The following CHD9 variants were observed in gnomAD, a reference collection of about 807,000 sequenced individuals.
CHD9 encodes chromodomain helicase DNA binding protein 9.
Under a neutral mutation model 316.1 loss-of-function variants are expected in CHD9, and 77 were observed. The observed-to-expected ratio is 0.24, with a 90% CI of 0.20 to 0.29. The LOEUF is 0.29. Among genes scored for constraint, CHD9 ranks in the 10% least tolerant of loss-of-function variants. The pLI is 1.00. For missense variants in CHD9, 2,763 were observed against 3,438.1 expected, an observed-to-expected ratio of 0.80 and a Z score of 4.91; for synonymous variants, 1,129 against 1,158.3, an observed-to-expected ratio of 0.97 and a Z score of 0.51.
intron 1 of CHD9, among the ~76,000 whole-genome samples, chr16:53,098,432 C>T (rs933763860): frequency 5.4e-5 from 8 of 147,838 alleles, no homozygotes; most frequent in African/African-American, 2.0e-4. Context: ...GCTGATATGG[C>T]TCTGCCCCAC....
At chr16:53,182,202 T>G (rs1221429424) in intron 2 of CHD9, among the ~76,000 whole-genome samples, 1 of 152,170 alleles carries the variant, frequency 6.6e-6, no homozygotes, top group African/African-American at 2.4e-5. Flanking sequence ...TTTATTTTTA[T>G]TTTTATTTTT....
intron 24 of CHD9, among the ~76,000 whole-genome samples, chr16:53,276,549 C>T (rs899809291): frequency 6.6e-6 from 1 of 152,280 alleles, no homozygotes; most frequent in East Asian, 1.9e-4. Flanking sequence ...TTCAGTTTTA[C>T]TTGCATATAT....
At chr16:53,125,456 G>A (rs1013246150) in intron 1 of CHD9, among the ~76,000 whole-genome samples, 5 of 151,918 alleles carry the variant, frequency 3.3e-5, no homozygotes, top group African/African-American at 4.8e-5. Context: ...GGCTGGTCTC[G>A]AACTCCTGAT....
chr16:53,272,626 C>T (rs1225120413), intron 22 of CHD9, among the ~76,000 whole-genome samples: 1 of 152,090 alleles, frequency 6.6e-6, no homozygotes, highest in Non-Finnish European at 1.5e-5. Flanking sequence ...GAATTAGAGC[C>T]TCATGAGTCA....
intron 16 of CHD9, chr16:53,247,932 A>T (rs1344194792): frequency 6.5e-6 from 1 of 153,264 alleles, no homozygotes; most frequent in Non-Finnish European, 1.5e-5. Flanking sequence ...ATTATATACT[A>T]TATAAAATTT....
chr16:53,150,230 G>A (rs1247238201), intron 1 of CHD9, among the ~76,000 whole-genome samples: 1 of 141,406 alleles, frequency 7.1e-6, no homozygotes, highest in Non-Finnish European at 1.5e-5. Context: ...TTTTTTTTTG[G>A]TAGCATTCCT....
intron 34 of CHD9, among the ~76,000 whole-genome samples, chr16:53,309,206 T>C (rs1306906238): frequency 2.0e-5 from 3 of 152,172 alleles, no homozygotes; most frequent in Non-Finnish European, 4.4e-5. Context: ...CTTTAGAGAT[T>C]GTACAGTCCA....
chr16:53,149,241 T>A (rs2040887877), intron 1 of CHD9, among the ~76,000 whole-genome samples: 1 of 152,176 alleles, frequency 6.6e-6, no homozygotes. Flanking sequence ...TATTGTTGGG[T>A]AGAGTGTCTG....
intron 8 of CHD9, among the ~76,000 whole-genome samples, chr16:53,230,564 T>TA (rs1171312183): frequency 6.6e-6 from 1 of 152,222 alleles, no homozygotes; most frequent in African/African-American, 2.4e-5. Flanking sequence ...TAGAAGTTCC[T>TA]AATAAGCTGA....
At chr16:53,122,577 C>T (rs1262530428) in intron 1 of CHD9, among the ~76,000 whole-genome samples, 2 of 143,922 alleles carry the variant, frequency 1.4e-5, no homozygotes, top group African/African-American at 5.1e-5. Context: ...CAGAGTCTCA[C>T]TCTGTGGCCC....
At chr16:53,274,025 AATG>A (rs2052551110) in intron 23 of CHD9, among the ~76,000 whole-genome samples, 185 bp from the exon 24 acceptor site, 1 of 152,190 alleles carries the variant, frequency 6.6e-6, no homozygotes, top group South Asian at 2.1e-4. Flanking sequence ...TATATGAAAT[AATG>A]ATGATTATGA....
chr16:53,191,311 TAC>T (rs2044463578), intron 2 of CHD9, among the ~76,000 whole-genome samples: 1 of 152,138 alleles, frequency 6.6e-6, no homozygotes, highest in African/African-American at 2.4e-5. Flanking sequence ...AGTTATAATT[TAC>T]ACACAGTCAA....
chr16:53,164,712 G>A (rs1233068575), intron 2 of CHD9, among the ~76,000 whole-genome samples: 1 of 151,502 alleles, frequency 6.6e-6, no homozygotes, highest in Non-Finnish European at 1.5e-5. Flanking sequence ...GGAATGTAGT[G>A]GTGCAATCTC....
chr16:53,308,756 G>C lies in CHD9; in HGVS notation c.7124G>C (p.Gly2375Ala), dbSNP rs2056211382. The C allele has an allele frequency of 1.2e-6, 2 of 1,613,334 alleles. No homozygotes were observed. The highest frequency in any genetic ancestry group is 1.7e-5 in the Admixed American group (1 of 59,956). ...AAAAGACCATTTGATGGTGAAGACG[G>C]TGCTCTGGGGCAGCAGCAGTACCTC... ...AQKRPFDGED[G>A]ALGQQQYLTR... The change falls in exon 34 of 39, where the codon GGT (glycine) becomes GCT (alanine). Residue 2375 changes from glycine (G) to alanine (A), a missense_variant. By Grantham distance (60) the Gly-to-Ala change is moderately conservative. Around this residue, in one of 15 missense-constraint regions of CHD9, gnomAD observed 663 missense variants for 751.2 expected, o/e 0.88. Transcript: ENST00000447540.
At position 53,156,314 on chromosome 16, in the gene CHD9, T is replaced by G; in HGVS notation, c.225T>G (p.Asp75Glu). ...ATTTTGAACAGTTAAATCAATTTGA[T>G]TCAATAAAATTTCACCATGTTAATC... ...MTDFEQLNQF[D>E]SIKFHHVNQS... Residue 75 changes from aspartate to glutamate, a missense_variant, in exon 2 of 39, where the codon GAT (aspartate) becomes GAG (glutamate). Physicochemically the swap from Asp to Glu is conservative, Grantham distance 45 (BLOSUM62 2). Coordinates refer to ENST00000447540, the MANE Select transcript of CHD9 (RefSeq NM_001308319.2). The G allele has an allele frequency of 6.2e-7, 1 of 1,614,004 alleles. No homozygotes were observed. The highest frequency in any genetic ancestry group is 8.5e-7 in the Non-Finnish European group (1 of 1,179,880).
intron 21 of CHD9, 89 bp downstream of exon 21, chr16:53,267,579 T>A: frequency 1.1e-6 from 1 of 947,682 alleles, no homozygotes; most frequent in Non-Finnish European, 1.5e-6. Flanking sequence ...ATTTTTTATC[T>A]TCTTAGAATC....
In CHD9 at chr16:53,245,979, T is replaced by A; in HGVS notation, c.3454+129T>A. 1 of 637,996 alleles carries A rather than the reference T, an allele frequency of 1.6e-6. No individual in the cohort carries two copies. 39.5% of individuals were successfully genotyped at this position (637,996 alleles called of 1,614,324 possible). On this transcript the variant is annotated intron_variant, in intron 15 of 38. Coordinates refer to ENST00000447540, the MANE Select transcript of CHD9 (RefSeq NM_001308319.2). The surrounding 1 kb of genome is among the most constrained non-coding windows in gnomAD (Gnocchi z 4.1). ...CTGTGATATTCTAAGGAATTACAAG[T>A]GTTACAGAATCAGAGGCAATGTGAA... is the stretch of plus-strand genomic sequence containing the variant.
At chr16:53,244,221 C>G (rs2049359820) in intron 13 of CHD9, among the ~76,000 whole-genome samples, 1 of 128,796 alleles carries the variant, frequency 7.8e-6, no homozygotes, top group Non-Finnish European at 1.6e-5. Flanking sequence ...GAGACTGAGT[C>G]TCACTCTGTT....
At chr16:53,196,457 G>A (rs1028581490) in intron 2 of CHD9, among the ~76,000 whole-genome samples, 2 of 152,108 alleles carry the variant, frequency 1.3e-5, no homozygotes, top group Non-Finnish European at 2.9e-5. Flanking sequence ...TACAGGTTCA[G>A]CCCACAATCA....
Sources: allele counts gnomAD v4.1 joint callset (sites outside exome capture counted in the v4.1 genomes callset), GRCh38; gene constraint gnomAD v4.1.1; regional missense constraint gnomAD v4.1.1; non-coding constraint Gnocchi (gnomAD v3.1); transcripts MANE v1.5; gene names NCBI Gene and HGNC (gene_info 2026-07-23, HGNC 2026-07-21).